The following IPMK variants were observed in gnomAD, a reference collection of about 807,000 sequenced individuals.
The protein encoded by IPMK is inositol 1,3,4,6-tetrakisphosphate 5-kinase.
Under a neutral mutation model 45.8 loss-of-function variants are expected in IPMK, and 17 were observed. That is an observed-to-expected ratio of 0.37 (90% CI 0.25 to 0.56). IPMK has a LOEUF of 0.56. Ranked by LOEUF, IPMK falls within the 20% of genes least tolerant of loss-of-function variation. The probability of loss-of-function intolerance (pLI) is 0.79; values close to 1 mark genes in which losing one functional copy is unlikely to be tolerated. For missense variants in IPMK, 399 were observed against 498.0 expected (o/e 0.80, Z 1.89); for synonymous variants, 180 against 184.3 (o/e 0.98, Z 0.19).
At chr10:58,223,757 G>T (rs1276955521) in intron 3 of IPMK, among the ~76,000 whole-genome samples, 1 of 152,118 alleles carries the variant, frequency 6.6e-6, no homozygotes, top group African/African-American at 2.4e-5. Context: ...GAAGGTGATT[G>T]GATTATGGGG....
At chr10:58,230,423 AG>A (rs1838495881) in intron 2 of IPMK, among the ~76,000 whole-genome samples, 1 of 152,164 alleles carries the variant, frequency 6.6e-6, no homozygotes, top group African/African-American at 2.4e-5. Flanking sequence ...CACCTCATAT[AG>A]GCGGCTGCCC....
intron 1 of IPMK, among the ~76,000 whole-genome samples, chr10:58,266,988 C>G (rs934858124): frequency 4.6e-5 from 7 of 152,222 alleles, no homozygotes; most frequent in Non-Finnish European, 1.0e-4. Context: ...CTGCACCCAG[C>G]AGAGAAGTAC....
intron 1 of IPMK, among the ~76,000 whole-genome samples, chr10:58,257,359 G>A (rs1838986244): frequency 6.6e-6 from 1 of 152,078 alleles, no homozygotes; most frequent in Non-Finnish European, 1.5e-5. Flanking sequence ...GCTGGGCATG[G>A]TGGCATGTGC....
chr10:58,226,925 CAT>C lies in IPMK; in HGVS notation c.373+116_373+117del, dbSNP rs1335907378. On this transcript the variant is annotated intron_variant, in intron 3 of 5. Transcript: ENST00000373935. ...GTGAAAGAAAGATTAGAAAGCAAAA[CAT>C]ATATATTTTGTGTTTTTATAATACA... 9.9e-6 allele frequency: 6 copies of C among 604,872 alleles called. No homozygotes were observed. The East Asian group carries it at 1.2e-4, about 12-fold the overall frequency. The allele number at this position is 604,872 out of a possible 1,614,324, so 37.5% of individuals were successfully genotyped here.
chr10:58,222,997 GA>G (rs1417662203), intron 3 of IPMK, among the ~76,000 whole-genome samples: 1 of 152,170 alleles, frequency 6.6e-6, no homozygotes, highest in African/African-American at 2.4e-5. Context: ...GGATTCCGGG[GA>G]AAAGGCGGAA....
chr10:58,242,857 A>G (rs2486482), intron 1 of IPMK, among the ~76,000 whole-genome samples: 73,939 of 151,592 alleles, frequency 0.49, 20,689 homozygotes, highest in African/African-American at 0.78. Flanking sequence ...GATCATGGGG[A>G]CAGATATCCC....
At chr10:58,243,708 C>T (rs1838734869) in intron 1 of IPMK, among the ~76,000 whole-genome samples, 1 of 152,194 alleles carries the variant, frequency 6.6e-6, no homozygotes, top group South Asian at 2.1e-4. Context: ...GGCGTGATCT[C>T]GGCTCGCTAC....
At chr10:58,208,083 G>A (rs1472298670) in intron 4 of IPMK, among the ~76,000 whole-genome samples, 1 of 152,082 alleles carries the variant, frequency 6.6e-6, no homozygotes, top group Non-Finnish European at 1.5e-5. Context: ...TGGGACTACA[G>A]GCGCCCGCCA....
intron 1 of IPMK, among the ~76,000 whole-genome samples, chr10:58,259,905 C>T (rs1415849978): frequency 6.6e-6 from 1 of 152,056 alleles, no homozygotes; most frequent in Admixed American, 6.6e-5. Context: ...TTGCAATTAT[C>T]ATAGTACTAT....
At position 58,249,961 on chromosome 10, in the gene IPMK, T is replaced by A. The variant is rs556740626; in HGVS notation, c.191-12147A>T. Among the ~76,000 whole-genome samples, 38 of 152,346 alleles carry A rather than the reference T, an allele frequency of 2.5e-4. No individual in the cohort carries two copies. In the South Asian group the frequency reaches 3.9e-3, roughly 16 times the overall value. On this transcript the variant is annotated intron_variant, in intron 1 of 5. Transcript: ENST00000373935. ...GACACCATCCCTTCCCCAATGTATG[T>A]GGCTTAGCACCTTTGCCAAAAATCA...
chr10:58,205,326 C>A (rs767200957), intron 4 of IPMK, among the ~76,000 whole-genome samples: 1 of 151,976 alleles, frequency 6.6e-6, no homozygotes, highest in African/African-American at 2.4e-5. Flanking sequence ...GATTTATATA[C>A]AGCTCAATAA....
rs1564525433 is a variant in IPMK, at chr10:58,193,789, T to C, written c.*2287A>G. On this transcript the variant is annotated 3_prime_UTR_variant, in exon 6 of 6. Transcript: ENST00000373935. ...ATACTTGGTGAATAGCGATCATTCA[T>C]CCCCACAGTGGTAAATTTCAGCATA... 1 of 151,722 alleles carries C rather than the reference T, an allele frequency of 6.6e-6. No homozygotes were observed. The highest frequency in any genetic ancestry group is 1.5e-5 in the Non-Finnish European group (1 of 67,706). 9.4% of individuals were successfully genotyped at this position (151,722 alleles called of 1,614,324 possible). A position where few individuals can be genotyped will look rare whatever the true frequency, so the allele number is the denominator to read the frequency against.
chr10:58,217,961 T>C (rs1838273173), intron 3 of IPMK, among the ~76,000 whole-genome samples: 1 of 152,160 alleles, frequency 6.6e-6, no homozygotes, highest in South Asian at 2.1e-4. Context: ...AAGAAGTTTA[T>C]GCTCAAACAA....
Position 58,215,960 on chromosome 10 carries a change from T to A in IPMK, c.546+185A>T, listed in dbSNP as rs530201792. On this transcript the variant is annotated intron_variant, in intron 4 of 5. Transcript: ENST00000373935. ...TCCCGAACCAGAGAAACTGACCATATATCAGTGAACAAAAAAAAAAAATTT... is the reference window on the plus strand; with the variant it reads ...TCCCGAACCAGAGAAACTGACCATAAATCAGTGAACAAAAAAAAAAAATTT... 1.3e-5 allele frequency among the ~76,000 whole-genome samples: 2 copies of A among 152,216 alleles called. 1 individual carries two copies. The highest frequency in any genetic ancestry group is 4.1e-4 in the South Asian group (2 of 4,824).
chr10:58,229,365 C>T (rs1484071706), intron 2 of IPMK, among the ~76,000 whole-genome samples: 1 of 151,954 alleles, frequency 6.6e-6, no homozygotes, highest in East Asian at 1.9e-4. Flanking sequence ...GAGTTCCAGA[C>T]CAGCCTGGCC....
intron 1 of IPMK, among the ~76,000 whole-genome samples, chr10:58,246,905 T>C (rs1838809925): frequency 6.6e-6 from 1 of 150,910 alleles, no homozygotes; most frequent in South Asian, 2.1e-4. Context: ...AACCTACTCA[T>C]CTGACAAAGG....
At chr10:58,205,966 G>C (rs555283351) in intron 4 of IPMK, among the ~76,000 whole-genome samples, 3 of 152,138 alleles carry the variant, frequency 2.0e-5, no homozygotes, top group South Asian at 4.1e-4. Flanking sequence ...ATCTACCTGA[G>C]AGAAATAAAA....
At position 58,193,318 on chromosome 10, in the gene IPMK, A is replaced by G. The variant is rs1837842930; in HGVS notation, c.*2758T>C. On this transcript the variant is annotated 3_prime_UTR_variant, in exon 6 of 6. Transcript: ENST00000373935. ...GTTAAACAGTTTAGAGCCCCATAAG[A>G]GCAAACTGTAGTGTAAAGAGGAAAA... 1 of 151,938 alleles carries G rather than the reference A, an allele frequency of 6.6e-6. No individual in the cohort carries two copies. The highest frequency in any genetic ancestry group is 2.4e-5 in the African/African-American group (1 of 41,440). 9.4% of individuals were successfully genotyped at this position (151,938 alleles called of 1,614,324 possible).
At chr10:58,227,184 G>A (rs984375737) in intron 2 of IPMK, 45 bp from the exon 3 acceptor site, 1 of 1,315,240 alleles carries the variant, frequency 7.6e-7, no homozygotes, top group Non-Finnish European at 1.1e-6. Context: ...ACAATGCTTT[G>A]TAACTGCCCT....
Sources: gnomAD v4.1 joint callset for allele counts (sites outside exome capture counted in the v4.1 genomes callset) on GRCh38, gnomAD v4.1.1 for gene constraint, MANE v1.5 for transcripts, NCBI Gene and HGNC (gene_info 2026-07-23, HGNC 2026-07-21) for gene names.